Variants in ZNF721 observed in about 807,000 individuals in gnomAD.
The protein encoded by ZNF721 is zinc finger protein 721.
ZNF721 carries 2 observed loss-of-function variants against 2.4 expected under a neutral mutation model. The ratio of observed to expected loss-of-function variants is 0.82; its 90% CI spans 0.34 to 2.58. The LOEUF (loss-of-function observed/expected upper bound fraction) is 2.58. ZNF721 is among the 30% of genes most tolerant of loss of function. The probability of loss-of-function intolerance (pLI) is 0.11; values close to 1 mark genes in which losing one functional copy is unlikely to be tolerated. For synonymous variants in ZNF721, 398 were observed against 381.8 expected, an observed-to-expected ratio of 1.04 and a Z score of -0.50; for missense variants, 1,187 against 1,085.5, an observed-to-expected ratio of 1.09 and a Z score of -1.31.
In ZNF721 at chr4:443,542, C is replaced by G; in HGVS notation, c.925G>C (p.Val309Leu). The stretch of plus-strand genomic sequence containing the variant: ...GACTGTCTAAAGGCTTTGCCACATA[C>G]TTCACATGTGTAGGGTTTCTCTCCA... ...HTGEKPYTCE[V>L]CGKAFRQSAN... Residue 309 changes from valine to leucine, a missense_variant, in exon 3 of 3, where the codon GTA becomes CTA. Physicochemically the swap from Val to Leu is conservative, Grantham distance 32. Coordinates refer to ENST00000511833, the MANE Select transcript of ZNF721 (RefSeq NM_133474.4). 5 of 1,614,036 alleles carry G rather than the reference C, an allele frequency of 3.1e-6. No homozygotes were observed. The South Asian group carries it at 4.4e-5, about 14-fold the overall frequency.
Position 443,924 on chromosome 4 carries a change from AG to A in ZNF721, c.542del (p.Thr181MetfsTer28), listed in dbSNP as rs1304652373. The part of the protein sequence containing the change: ...GKAFNRSTNL[T>X]AHKRIHNREK... ...CTCTGTTGTGAATTCTCTTATGTGC[AG>A]TAAGGTTTGTTGACCTATTAAAGGC... On this transcript the variant is annotated frameshift_variant, in exon 3 of 3. Transcript: ENST00000511833. LOFTEE classifies it low-confidence loss of function (END_TRUNC). 17 of 1,614,078 alleles carry A rather than the reference AG, an allele frequency of 1.1e-5. 1 individual carries two copies. In the Middle Eastern group the frequency reaches 6.6e-4, roughly 63 times the overall value.
chr4:494,166 T>G (rs1576975384), intron 1 of ZNF721, among the ~76,000 whole-genome samples: 1 of 151,946 alleles, frequency 6.6e-6, no homozygotes, highest in South Asian at 2.1e-4. Context: ...ATATTAGGCA[T>G]GCCAATGGAA....
intron 1 of ZNF721, among the ~76,000 whole-genome samples, chr4:493,143 C>T (rs1478834309): frequency 2.7e-5 from 4 of 148,360 alleles, no homozygotes; most frequent in African/African-American, 1.0e-4. Flanking sequence ...GTTGTGAAAC[C>T]GCCATTGCAA....
chr4:487,644 G>GT (rs782641438), intron 1 of ZNF721, among the ~76,000 whole-genome samples: 2 of 152,200 alleles, frequency 1.3e-5, no homozygotes, highest in Non-Finnish European at 2.9e-5. Flanking sequence ...TTGGCACCCT[G>GT]TAAGTATTGA....
chr4:478,802 C>G (rs1280748882), intron 1 of ZNF721, among the ~76,000 whole-genome samples: 10 of 147,566 alleles, frequency 6.8e-5, no homozygotes, highest in Non-Finnish European at 1.3e-4. Flanking sequence ...GGGAGTCTCA[C>G]TTTGTCGCCC....
intron 1 of ZNF721, among the ~76,000 whole-genome samples, chr4:478,290 G>A (rs1715685457): frequency 6.6e-6 from 1 of 152,044 alleles, no homozygotes; most frequent in Non-Finnish European, 1.5e-5. Flanking sequence ...GTTTTTATGA[G>A]TAGACTACTA....
At chr4:480,304 T>C (rs1715740621) in intron 1 of ZNF721, among the ~76,000 whole-genome samples, 1 of 152,254 alleles carries the variant, frequency 6.6e-6, no homozygotes, top group African/African-American at 2.4e-5. Flanking sequence ...TGCTTTTGGA[T>C]GAATCTAAGT....
At chr4:468,522 T>C (rs1484995599) in intron 2 of ZNF721, among the ~76,000 whole-genome samples, 1 of 152,038 alleles carries the variant, frequency 6.6e-6, no homozygotes, top group Non-Finnish European at 1.5e-5. Context: ...TGCAGACAAA[T>C]TTCAAAACCC....
intron 2 of ZNF721, among the ~76,000 whole-genome samples, chr4:456,436 C>G (rs920790220): frequency 6.6e-6 from 1 of 152,162 alleles, no homozygotes; most frequent in Non-Finnish European, 1.5e-5. Context: ...ACATAGATAA[C>G]TTTTATAGGC....
intron 2 of ZNF721, among the ~76,000 whole-genome samples, chr4:468,690 C>G (rs1715335292): frequency 6.6e-6 from 1 of 152,182 alleles, no homozygotes; most frequent in South Asian, 2.1e-4. Context: ...AGCTACAACC[C>G]TTCTTCTCTG....
intron 1 of ZNF721, among the ~76,000 whole-genome samples, chr4:486,691 T>C (rs1715907300): frequency 6.6e-6 from 1 of 152,212 alleles, no homozygotes; most frequent in South Asian, 2.1e-4. Context: ...AGTCAACAAA[T>C]ACAAAAAATA....
intron 2 of ZNF721, among the ~76,000 whole-genome samples, chr4:469,347 CAAAT>C (rs1715356787): frequency 6.6e-6 from 1 of 151,752 alleles, no homozygotes; most frequent in Non-Finnish European, 1.5e-5. Flanking sequence ...ATAAATTTAA[CAAAT>C]GAAATAAAAA....
intron 1 of ZNF721, among the ~76,000 whole-genome samples, chr4:480,083 G>T (rs782515167): frequency 1.3e-5 from 2 of 152,166 alleles, no homozygotes; most frequent in Non-Finnish European, 2.9e-5. Flanking sequence ...GAACTCTACA[G>T]AAACACTTTA....
intron 2 of ZNF721, among the ~76,000 whole-genome samples, chr4:464,173 C>T (rs1236371783): frequency 6.6e-6 from 1 of 152,100 alleles, no homozygotes; most frequent in Non-Finnish European, 1.5e-5. Flanking sequence ...AATCAGCAAA[C>T]TTTAAAGTCA....
At chr4:447,322 AAAAT>A (rs869036157) in intron 2 of ZNF721, among the ~76,000 whole-genome samples, 9 of 152,142 alleles carry the variant, frequency 5.9e-5, no homozygotes, top group East Asian at 1.9e-4. Context: ...ACTCCGTCTC[AAAAT>A]AAATAAATAA....
At chr4:459,675 C>CA (rs1267813496) in intron 2 of ZNF721, among the ~76,000 whole-genome samples, 63 of 151,808 alleles carry the variant, frequency 4.1e-4, no homozygotes, top group African/African-American at 1.5e-3. Flanking sequence ...ACTAAAAATA[C>CA]AAAAAATTAG....
At chr4:473,940 A>G in intron 1 of ZNF721, 1 of 1,502,620 alleles carries the variant, frequency 6.7e-7, no homozygotes, top group South Asian at 1.1e-5. Flanking sequence ...GGTTCTGATG[A>G]GGCCTCCCCA....
At chr4:449,153 TAAC>T (rs1381944494) in intron 2 of ZNF721, among the ~76,000 whole-genome samples, 1 of 152,156 alleles carries the variant, frequency 6.6e-6, no homozygotes, top group African/African-American at 2.4e-5. Context: ...ATAGAGTGCA[TAAC>T]AACGTTAATA....
intron 2 of ZNF721, among the ~76,000 whole-genome samples, chr4:455,740 T>C (rs2108698393): frequency 6.6e-6 from 1 of 151,860 alleles, no homozygotes; most frequent in Middle Eastern, 3.4e-3. Flanking sequence ...AAGAAAAAAA[T>C]GGCAGTTTAT....
Sources: gnomAD v4.1 joint callset for allele counts (sites outside exome capture counted in the v4.1 genomes callset) on GRCh38, gnomAD v4.1.1 for gene constraint, MANE v1.5 for transcripts, NCBI Gene and HGNC (gene_info 2026-07-23, HGNC 2026-07-21) for gene names.